Variants in HSPG2 observed in about 807,000 individuals in gnomAD.
HSPG2 encodes heparan sulfate proteoglycan 2.
HSPG2 carries 278 observed loss-of-function variants against 526.6 expected under a neutral mutation model. That is an observed-to-expected ratio of 0.53 (90% CI 0.48 to 0.58). The LOEUF (loss-of-function observed/expected upper bound fraction) is 0.58, where lower values mean the gene tolerates loss of function less well. Among genes scored for constraint, HSPG2 ranks in the 20% least tolerant of loss-of-function variants. The pLI, the probability that HSPG2 is intolerant of heterozygous loss-of-function variation, is 0.00. For missense variants in HSPG2, 5,354 were observed against 6,099.5 expected, an observed-to-expected ratio of 0.88 and a Z score of 4.07; for synonymous variants, 2,465 against 2,555.4, an observed-to-expected ratio of 0.96 and a Z score of 1.07.
intron 1 of HSPG2, among the ~76,000 whole-genome samples, chr1:21,897,311 G>T (rs755644565): frequency 9.2e-5 from 14 of 152,238 alleles, no homozygotes; most frequent in Non-Finnish European, 1.3e-4. Flanking sequence ...GAGGGCCTCA[G>T]GCCCTGCCCT....
chr1:21,913,004 T>C (rs975812626), intron 1 of HSPG2, among the ~76,000 whole-genome samples: 7 of 150,244 alleles, frequency 4.7e-5, no homozygotes, highest in South Asian at 4.2e-4. Context: ...AGCTGGATTA[T>C]GTATACAGAG....
chr1:21,881,282 G>A (rs1641483055), intron 14 of HSPG2, 57 bp downstream of exon 14: 2 of 1,593,074 alleles, frequency 1.3e-6, no homozygotes, highest in Non-Finnish European at 1.7e-6. Flanking sequence ...AACTGCAGAA[G>A]GAGCAGAGCC....
Position 21,848,347 on chromosome 1 carries a change from C to A in HSPG2, c.7738-254G>T, listed in dbSNP as rs915404247. Reference sequence around the variant, plus strand: ...CAGTATCCTGCTGGGGCTCCCACAGCCTGCGAGCTGCCTGAGAGCAGGCAA... The same window carrying A: ...CAGTATCCTGCTGGGGCTCCCACAGACTGCGAGCTGCCTGAGAGCAGGCAA... On this transcript the variant is annotated intron_variant, in intron 59 of 96. Coordinates refer to ENST00000374695, the MANE Select transcript of HSPG2 (RefSeq NM_005529.7). The surrounding 1 kb of genome is among the most constrained non-coding windows in gnomAD (Gnocchi z 4.9). 6.6e-6 allele frequency among the ~76,000 whole-genome samples: 1 copy of A among 152,168 alleles called. No individual in the cohort carries two copies. The highest frequency in any genetic ancestry group is 1.5e-5 in the Non-Finnish European group (1 of 68,034).
Position 21,871,434 on chromosome 1 carries a change from G to T in HSPG2, c.4221+752C>A, listed in dbSNP as rs115005490. 3.6e-3 allele frequency among the ~76,000 whole-genome samples: 549 copies of T among 151,914 alleles called. 3 individuals are homozygous for T. Among genetic ancestry groups the T allele is most frequent in the African/African-American group, 0.013 (519 of 41,444 alleles). Reference sequence around the variant, plus strand: ...CACCAACACGCCCAGCTAATTTTTTGTACTTTTTGTAGAGACGGGGTTTCG... The same window carrying T: ...CACCAACACGCCCAGCTAATTTTTTTTACTTTTTGTAGAGACGGGGTTTCG... On this transcript the variant is annotated intron_variant, in intron 33 of 96. Coordinates refer to ENST00000374695, the MANE Select transcript of HSPG2 (RefSeq NM_005529.7).
At chr1:21,854,434 C>A (rs1219943333) in intron 49 of HSPG2, 91 bp from the exon 50 acceptor site, 6 of 1,508,732 alleles carry the variant, frequency 4.0e-6, no homozygotes, top group Non-Finnish European at 5.4e-6. Flanking sequence ...CAAACTCTCA[C>A]TGGCTCTGCT....
chr1:21,885,208 C>A, intron 10 of HSPG2, 51 bp from the exon 11 acceptor site: 1 of 1,598,360 alleles, frequency 6.3e-7, no homozygotes, highest in Non-Finnish European at 8.6e-7. Flanking sequence ...GAAGGAGGAG[C>A]GGAAGGAGGG....
At chr1:21,915,980 G>T (rs903496179) in intron 1 of HSPG2, among the ~76,000 whole-genome samples, 1 of 150,340 alleles carries the variant, frequency 6.7e-6, no homozygotes, top group Non-Finnish European at 1.5e-5. Context: ...GAACCTGGGA[G>T]GCAGAGGTTG....
chr1:21,841,753 G>A (rs1159607258), intron 69 of HSPG2, 80 bp from the exon 70 acceptor site: 5 of 1,567,430 alleles, frequency 3.2e-6, no homozygotes, highest in Non-Finnish European at 4.4e-6. Context: ...CTGTGCCCCT[G>A]GGCCCACTTC....
chr1:21,842,893 G>A lies in HSPG2; in HGVS notation c.8787C>T (p.Ile2929=), dbSNP rs765768172. Residue 2929 remains isoleucine, a synonymous_variant, in exon 67 of 97, where the codon ATC becomes ATT. Transcript: ENST00000374695. ...PAPGLAQPIY[I]EASSSHVTEG... Reference sequence around the variant, plus strand: ...CAGTCACGTGTGAAGAGGAGGCCTCGATGTAGATGGGCTGGGCCAGTCCTG... The same window carrying A: ...CAGTCACGTGTGAAGAGGAGGCCTCAATGTAGATGGGCTGGGCCAGTCCTG... 18 of 1,614,012 alleles carry A rather than the reference G, an allele frequency of 1.1e-5. No individual in the cohort carries two copies. The highest frequency in any genetic ancestry group is 1.6e-4 in the Middle Eastern group (1 of 6,078).
intron 37 of HSPG2, among the ~76,000 whole-genome samples, chr1:21,863,638 T>A (rs1246462791): frequency 1.3e-5 from 2 of 151,150 alleles, no homozygotes; most frequent in Non-Finnish European, 2.9e-5. Context: ...TCCCAGCTAC[T>A]CGGGAGGCTG....
At chr1:21,861,366 T>A (rs1276487265) in intron 39 of HSPG2, among the ~76,000 whole-genome samples, 1 of 151,788 alleles carries the variant, frequency 6.6e-6, no homozygotes, top group Non-Finnish European at 1.5e-5. Flanking sequence ...ACATCAAGAA[T>A]TCAAAAAGTG....
chr1:21,935,617 T>A (rs1161303057), intron 1 of HSPG2, among the ~76,000 whole-genome samples: 1 of 152,194 alleles, frequency 6.6e-6, no homozygotes, highest in East Asian at 1.9e-4. Flanking sequence ...CTGTGGAAAT[T>A]CCTCATGCAC....
chr1:21,924,494 G>A (rs1166700458), intron 1 of HSPG2, among the ~76,000 whole-genome samples: 1 of 152,138 alleles, frequency 6.6e-6, no homozygotes, highest in East Asian at 1.9e-4. Context: ...CCAACTTTTG[G>A]GGGGTAGTGA....
At position 21,888,697 on chromosome 1, in the gene HSPG2, G is replaced by A. The variant is rs374750850; in HGVS notation, c.575-631C>T. 36 of 1,365,416 alleles carry A rather than the reference G, an allele frequency of 2.6e-5. No homozygotes were observed. The African/African-American group carries it at 3.4e-4, about 13-fold the overall frequency. The allele number at this position is 1,365,416 out of a possible 1,614,324, so 84.6% of individuals were successfully genotyped here. ...TGTCACTGCGACCGCCACAGCGGCCGGCGGGGGTGGGGGGGTCTGTGCTGG... is the reference window on the plus strand; with the variant it reads ...TGTCACTGCGACCGCCACAGCGGCCAGCGGGGGTGGGGGGGTCTGTGCTGG... On this transcript the variant is annotated intron_variant, in intron 6 of 96. Transcript: ENST00000374695.
intron 10 of HSPG2, 21 bp downstream of exon 10, chr1:21,885,299 C>G (rs1250325366): frequency 6.2e-7 from 1 of 1,613,824 alleles, no homozygotes; most frequent in Non-Finnish European, 8.5e-7. Context: ...GCCCGCATCT[C>G]GACCCCAGCT....
chr1:21,849,748 C>A (rs1407572305), intron 57 of HSPG2, among the ~76,000 whole-genome samples: 1 of 151,970 alleles, frequency 6.6e-6, no homozygotes, highest in South Asian at 2.1e-4. Flanking sequence ...GGCACGATCT[C>A]GGCTCACTGC....
In HSPG2 at chr1:21,835,645, G is replaced by A. The variant is rs1265767908; in HGVS notation, c.10356-8C>T. ...TGGTCCAAGTTCTGGATTCTATAAA[G>A]AAAAAATAATAAGACATCAGGGAGT... On this transcript the variant is annotated splice_polypyrimidine_tract_variant and splice_region_variant and intron_variant, in intron 75 of 96. Transcript: ENST00000374695. The A allele has an allele frequency of 5.0e-6, 8 of 1,602,192 alleles. No homozygotes were observed. The East Asian group carries it at 1.8e-4, about 36-fold the overall frequency.
chr1:21,860,269 C>T (rs1322143937), intron 39 of HSPG2, 34 bp from the exon 40 acceptor site: 2 of 1,595,260 alleles, frequency 1.3e-6, no homozygotes, highest in Non-Finnish European at 1.7e-6. Context: ...CAATGTCAGG[C>T]CTCAAGGGCC....
chr1:21,856,946 G>T, intron 44 of HSPG2, 69 bp downstream of exon 44: 1 of 1,472,560 alleles, frequency 6.8e-7, no homozygotes, highest in Non-Finnish European at 9.5e-7. Context: ...ATGAAGAAAT[G>T]CTGTGCTAAT....
Sources: gnomAD v4.1 joint callset for allele counts (sites outside exome capture counted in the v4.1 genomes callset) on GRCh38, gnomAD v4.1.1 for gene constraint, Gnocchi (gnomAD v3.1) non-coding constraint, MANE v1.5 for transcripts, NCBI Gene and HGNC (gene_info 2026-07-23, HGNC 2026-07-21) for gene names.